TMEM200A: variants seen among roughly 807,000 people sequenced by gnomAD.
TMEM200A encodes the protein two transmembrane C.
Under a neutral mutation model 24.3 loss-of-function variants are expected in TMEM200A, and 12 were observed. The ratio of observed to expected loss-of-function variants is 0.49; its 90% CI spans 0.32 to 0.80. The LOEUF (loss-of-function observed/expected upper bound fraction) is 0.80, where lower values mean the gene tolerates loss of function less well. Among genes scored for constraint, TMEM200A ranks in the 30% least tolerant of loss-of-function variants. The probability of loss-of-function intolerance (pLI) is 0.04; values close to 1 mark genes in which losing one functional copy is unlikely to be tolerated. For missense variants in TMEM200A, 545 were observed against 614.4 expected (o/e 0.89, Z 1.19); for synonymous variants, 224 against 224.4 (o/e 1.00, Z 0.02).
intron 1 of TMEM200A, chr6:130,382,933 C>T (rs1186383913): frequency 1.6e-6 from 1 of 628,544 alleles, no homozygotes; most frequent in Non-Finnish European, 2.0e-6. Flanking sequence ...TTGTCTGTGG[C>T]CTGGTTCCTC....
rs185791607 is a variant in TMEM200A, at chr6:130,387,524, C to T, written c.-17+2288C>T. 4.2e-3 allele frequency among the ~76,000 whole-genome samples: 636 copies of T among 152,300 alleles called. 7 individuals carry two copies. The highest frequency in any genetic ancestry group is 0.014 in the African/African-American group (590 of 41,566). On this transcript the variant is annotated intron_variant, in intron 2 of 2. Coordinates refer to ENST00000296978, the MANE Select transcript of TMEM200A (RefSeq NM_001258277.2). ...CTGATCTTAGGTGATCCGCCTGCCTCGGCCTCCCAAAGTGCTGGGATTACA... is the reference window on the plus strand; with the variant it reads ...CTGATCTTAGGTGATCCGCCTGCCTTGGCCTCCCAAAGTGCTGGGATTACA...
intron 2 of TMEM200A, among the ~76,000 whole-genome samples, chr6:130,430,210 T>A (rs181906457): frequency 5.7e-4 from 87 of 152,226 alleles, no homozygotes; most frequent in African/African-American, 1.5e-3. Flanking sequence ...ACTGTCTTCT[T>A]ACTGTGTCCT....
In TMEM200A at chr6:130,366,882, G is replaced by C. The variant is rs972166573; in HGVS notation, c.-81+358G>C. On this transcript the variant is annotated intron_variant, in intron 1 of 2. Coordinates refer to ENST00000296978, the MANE Select transcript of TMEM200A (RefSeq NM_001258277.2). This position sits in a 1 kb window ranked among gnomAD's most constrained non-coding sequence, Gnocchi z 4.4. ...TCATGATTGAGCAAAGTATGGTCAG[G>C]GTTTCGTAAAGCAGTATCTGGATGG... Among the ~76,000 whole-genome samples, 3 of 152,178 alleles carry C rather than the reference G, an allele frequency of 2.0e-5. No homozygotes were observed. The highest frequency in any genetic ancestry group is 7.2e-5 in the African/African-American group (3 of 41,444).
chr6:130,440,678 C>G lies in TMEM200A; in HGVS notation c.256C>G (p.Gln86Glu), dbSNP rs143002614. Residue 86 changes from glutamine (Q) to glutamate (E), a missense_variant, in exon 3 of 3, where the codon CAA becomes GAA. Gln to Glu is a conservative substitution (Grantham distance 29, BLOSUM62 2). Coordinates refer to ENST00000296978, the MANE Select transcript of TMEM200A (RefSeq NM_001258277.2). ...TATGGCCGTTCTTGGATATTGGCCCCAAAAAGAACATTTTATTGATGCTGA... is the reference window on the plus strand; with the variant it reads ...TATGGCCGTTCTTGGATATTGGCCCGAAAAAGAACATTTTATTGATGCTGA... ...IAMAVLGYWPQKEHFIDAETT... is the reference protein window; with the variant it reads ...IAMAVLGYWPEKEHFIDAETT... 4.3e-6 allele frequency: 7 copies of G among 1,613,900 alleles called. No individual in the cohort carries two copies. The Admixed American group carries it at 5.0e-5, about 12-fold the overall frequency.
chr6:130,390,903 T>C (rs1778817901), intron 2 of TMEM200A, among the ~76,000 whole-genome samples: 1 of 152,204 alleles, frequency 6.6e-6, no homozygotes, highest in African/African-American at 2.4e-5. Context: ...CAGTTTGGAC[T>C]GAATAACTTT....
chr6:130,414,917 A>G (rs981046660), intron 2 of TMEM200A, among the ~76,000 whole-genome samples: 8 of 152,134 alleles, frequency 5.3e-5, no homozygotes, highest in Non-Finnish European at 1.5e-5. Context: ...CTCAGCACAG[A>G]CTGTTTTTAT....
At chr6:130,398,260 G>A (rs1426326515) in intron 2 of TMEM200A, among the ~76,000 whole-genome samples, 1 of 152,032 alleles carries the variant, frequency 6.6e-6, no homozygotes, top group East Asian at 1.9e-4. Context: ...TCAGGTTAAT[G>A]GCCTCCAGCT....
chr6:130,374,778 T>C (rs971348114), intron 1 of TMEM200A, among the ~76,000 whole-genome samples: 1 of 152,154 alleles, frequency 6.6e-6, no homozygotes, highest in Non-Finnish European at 1.5e-5. Flanking sequence ...TAGTCACTGA[T>C]TGCCCAGAAA....
chr6:130,410,009 ACTACT>A (rs940440702), intron 2 of TMEM200A, among the ~76,000 whole-genome samples: 2 of 152,178 alleles, frequency 1.3e-5, no homozygotes, highest in Non-Finnish European at 2.9e-5. Context: ...AAAATTGCAC[ACTACT>A]CTAACAGCAA....
intron 2 of TMEM200A, among the ~76,000 whole-genome samples, chr6:130,422,056 T>C (rs533822801): frequency 1.1e-4 from 16 of 152,160 alleles, no homozygotes; most frequent in Non-Finnish European, 2.2e-4. Flanking sequence ...TGATTTTATT[T>C]CTTCGGATAA....
At position 130,440,978 on chromosome 6, in the gene TMEM200A, A is replaced by C; in HGVS notation, c.556A>C (p.Thr186Pro). 6.2e-7 allele frequency: 1 copy of C among 1,614,118 alleles called. No homozygotes were observed. The highest frequency in any genetic ancestry group is 1.3e-5 in the African/African-American group (1 of 75,060). Reference sequence around the variant, plus strand: ...GCAAAGGCAAATGAACGGCATGTACACTGGTTTGATGGGAGAAACAGAAGT... The same window carrying C: ...GCAAAGGCAAATGAACGGCATGTACCCTGGTTTGATGGGAGAAACAGAAGT... ...KEQRQMNGMY[T>P]GLMGETEVKQ... The change falls in exon 3 of 3, where the codon ACT becomes CCT. Residue 186 changes from threonine (T) to proline (P), a missense_variant. Transcript: ENST00000296978.
At chr6:130,420,591 C>T (rs963689062) in intron 2 of TMEM200A, among the ~76,000 whole-genome samples, 4 of 152,092 alleles carry the variant, frequency 2.6e-5, no homozygotes, top group South Asian at 2.1e-4. Context: ...AATGGACCTC[C>T]GGGAATATGT....
intron 2 of TMEM200A, among the ~76,000 whole-genome samples, chr6:130,408,283 G>T (rs1779252431): frequency 6.6e-6 from 1 of 152,172 alleles, no homozygotes. Context: ...TTTCTGCCCA[G>T]GTAGGCACTT....
rs1281846585 is a variant in TMEM200A at position 130,441,313 on chromosome 6, C to G, written c.891C>G (p.Asn297Lys). The G allele has an allele frequency of 6.2e-7, 1 of 1,614,088 alleles. No homozygotes were observed. The highest frequency in any genetic ancestry group is 2.2e-5 in the East Asian group (1 of 44,870). Residue 297 changes from asparagine (N) to lysine (K), a missense_variant, in exon 3 of 3, where the codon AAC becomes AAG. Transcript: ENST00000296978. The part of the protein sequence containing the change: ...AFTLPVIKLN[N>K]CVIDEPSIDN... ...CATTGCCTGTGATCAAACTTAATAA[C>G]TGTGTTATTGATGAGCCCAGTATAG...
intron 2 of TMEM200A, among the ~76,000 whole-genome samples, chr6:130,396,236 A>T (rs1778949546): frequency 6.6e-6 from 1 of 152,058 alleles, no homozygotes. Context: ...GCTAGTGATG[A>T]TAGAGGTTTA....
chr6:130,439,124 CT>C (rs1449371925), intron 2 of TMEM200A: 1 of 152,164 alleles, frequency 6.6e-6, no homozygotes, highest in African/African-American at 2.4e-5. Context: ...TCAGCTAAAA[CT>C]TTGGTAGGTA....
At position 130,425,979 on chromosome 6, in the gene TMEM200A, C is replaced by A. The variant is rs568323681; in HGVS notation, c.-16-14428C>A. 2.6e-5 allele frequency among the ~76,000 whole-genome samples: 4 copies of A among 152,138 alleles called. No homozygotes were observed. In the South Asian group the frequency reaches 8.3e-4, roughly 32 times the overall value. ...ATTTATTTAGAAAGCATACACATAT[C>A]AAAAACTCATAACACTATTAGTATT... is the stretch of plus-strand genomic sequence containing the variant. On this transcript the variant is annotated intron_variant, in intron 2 of 2. Transcript: ENST00000296978.
At chr6:130,411,269 C>T (rs1020804736) in intron 2 of TMEM200A, among the ~76,000 whole-genome samples, 7 of 151,808 alleles carry the variant, frequency 4.6e-5, no homozygotes, top group Non-Finnish European at 1.0e-4. Flanking sequence ...TTATGGGGTG[C>T]TAAGACAAAT....
chr6:130,391,731 CTTTTTTTTTT>C (rs773093362), intron 2 of TMEM200A, among the ~76,000 whole-genome samples: 59 of 81,886 alleles, frequency 7.2e-4, no homozygotes, highest in African/African-American at 2.9e-3. Flanking sequence ...TTCAAGATTC[CTTTTTTTTTT>C]TTTTTTTTTT....
Sources: allele counts gnomAD v4.1 joint callset (sites outside exome capture counted in the v4.1 genomes callset), GRCh38; gene constraint gnomAD v4.1.1; non-coding constraint Gnocchi (gnomAD v3.1); transcripts MANE v1.5; gene names NCBI Gene and HGNC (gene_info 2026-07-23, HGNC 2026-07-21).